The following RUNX3 variants were observed in gnomAD, a reference collection of about 807,000 sequenced individuals.
RUNX3 encodes the protein runt-related transcription factor 3.
Under a neutral mutation model 27.7 loss-of-function variants are expected in RUNX3, and 10 were observed. The observed-to-expected ratio is 0.36, with a 90% CI of 0.22 to 0.61. RUNX3 has a LOEUF of 0.61. Among genes scored for constraint, RUNX3 ranks in the 20% least tolerant of loss-of-function variants. The pLI is 0.72. For missense variants in RUNX3, 469 were observed against 629.5 expected (o/e 0.75, Z 2.73); for synonymous variants, 270 against 269.2 (o/e 1.00, Z -0.03).
intron 2 of RUNX3, among the ~76,000 whole-genome samples, chr1:24,940,186 G>A (rs1418705152): frequency 6.6e-6 from 1 of 152,190 alleles, no homozygotes; most frequent in Non-Finnish European, 1.5e-5. Context: ...GCTTGGAATA[G>A]GGACACGTCC....
In RUNX3 at chr1:24,902,119, C is replaced by A. The variant is rs746970086; in HGVS notation, c.*3G>T. 3 of 1,532,062 alleles carry A rather than the reference C, an allele frequency of 2.0e-6. 1 individual carries two copies. Among genetic ancestry groups the A allele is most frequent in the Non-Finnish European group, 1.8e-6 (2 of 1,137,336 alleles). The allele number at this position is 1,532,062 out of a possible 1,614,324, so 94.9% of individuals were successfully genotyped here. A position where few individuals can be genotyped will look rare whatever the true frequency, so the allele number is the denominator to read the frequency against. ...CTCCAGCGGGAGGAGTCCACCAGGG[C>A]GGTCAGTAGGGCCGCCACACGGCCT... is the stretch of plus-strand genomic sequence containing the variant. On this transcript the variant is annotated 3_prime_UTR_variant, in exon 5 of 5. Coordinates refer to ENST00000308873, the MANE Select transcript of RUNX3 (RefSeq NM_004350.3). This position sits in a 1 kb window ranked among gnomAD's most constrained non-coding sequence, Gnocchi z 9.2.
intron 2 of RUNX3, among the ~76,000 whole-genome samples, chr1:24,920,419 C>A (rs1007684088): frequency 6.6e-6 from 1 of 152,100 alleles, no homozygotes; most frequent in African/African-American, 2.4e-5. Context: ...GTCACCCTCG[C>A]GTGTGAGGCT....
intron 2 of RUNX3, among the ~76,000 whole-genome samples, chr1:24,957,042 G>A (rs1224323948): frequency 1.3e-5 from 2 of 152,228 alleles, no homozygotes; most frequent in Admixed American, 6.5e-5. Context: ...CATGTCCCAC[G>A]TTGAAGGATG....
chr1:24,957,957 G>T (rs1641989363), intron 2 of RUNX3, among the ~76,000 whole-genome samples: 1 of 152,180 alleles, frequency 6.6e-6, no homozygotes, highest in African/African-American at 2.4e-5. Flanking sequence ...ATTGACAAGG[G>T]GTCTGACAGT....
chr1:24,922,063 G>A (rs1317624063), intron 2 of RUNX3, among the ~76,000 whole-genome samples: 2 of 152,116 alleles, frequency 1.3e-5, no homozygotes, highest in Non-Finnish European at 2.9e-5. Context: ...TGATCCTCCT[G>A]TCTCAGCCTC....
intron 3 of RUNX3, among the ~76,000 whole-genome samples, chr1:24,909,901 G>GT: frequency 6.6e-6 from 1 of 152,306 alleles, no homozygotes; most frequent in East Asian, 1.9e-4. Context: ...TCTTTTACAA[G>GT]TAAGAGAACT....
intron 2 of RUNX3, among the ~76,000 whole-genome samples, chr1:24,946,108 G>GT (rs1227275493): frequency 6.6e-6 from 1 of 152,150 alleles, no homozygotes; most frequent in East Asian, 1.9e-4. Context: ...AACGAATGCT[G>GT]TTTGTTTCCA....
intron 2 of RUNX3, among the ~76,000 whole-genome samples, chr1:24,951,204 C>CAAA (rs542137531): frequency 0.46 from 44,313 of 95,920 alleles, 10,504 homozygotes; most frequent in East Asian, 0.62. Flanking sequence ...GACTCCATCT[C>CAAA]AAAAAAAAAA....
rs1461203295 is a variant in RUNX3 at position 24,943,606 on chromosome 1, G to C, written c.59-13754C>G. On this transcript the variant is annotated intron_variant, in intron 2 of 6. Transcript: ENST00000338888. The surrounding 1 kb of genome is among the most constrained non-coding windows in gnomAD (Gnocchi z 4.6). ...CTGGAACAGTTGGCCAGTGCGGAGA[G>C]GACCCCCGAAGATCTCTGAGGCTAG... Among the ~76,000 whole-genome samples, 3 of 152,176 alleles carry C rather than the reference G, an allele frequency of 2.0e-5. No individual in the cohort carries two copies.
At position 24,943,236 on chromosome 1, in the gene RUNX3, C is replaced by G. The variant is rs1263147903; in HGVS notation, c.59-13384G>C. Among the ~76,000 whole-genome samples, 1 of 152,172 alleles carries G rather than the reference C, an allele frequency of 6.6e-6. No homozygotes were observed. Among genetic ancestry groups the G allele is most frequent in the Admixed American group, 6.5e-5 (1 of 15,288 alleles). On this transcript the variant is annotated intron_variant, in intron 2 of 6. Transcript: ENST00000338888. The surrounding 1 kb of genome is among the most constrained non-coding windows in gnomAD (Gnocchi z 4.6). ...CATGCCACCCAGCACGTGGGGGAGGCCAGGGCTTTGGGAGCATGCTGGCAG... is the reference window on the plus strand; with the variant it reads ...CATGCCACCCAGCACGTGGGGGAGGGCAGGGCTTTGGGAGCATGCTGGCAG...
chr1:24,946,351 A>G (rs1286137037), intron 2 of RUNX3, among the ~76,000 whole-genome samples: 4 of 152,082 alleles, frequency 2.6e-5, no homozygotes, highest in African/African-American at 9.7e-5. Flanking sequence ...TACTGTATGT[A>G]TAGATTTATT....
chr1:24,964,365 A>AC (rs1642199264), intron 2 of RUNX3: 2 of 678,342 alleles, frequency 2.9e-6, no homozygotes, highest in Middle Eastern at 3.9e-4. Context: ...GAGACCACCA[A>AC]CCCCTCTTCC....
intron 2 of RUNX3, among the ~76,000 whole-genome samples, chr1:24,938,146 A>G (rs538897223): frequency 1.5e-4 from 23 of 152,296 alleles, no homozygotes; most frequent in African/African-American, 5.3e-4. Context: ...AGGCTCATAG[A>G]GCCAACTGCT....
At chr1:24,911,164 C>A (rs1223727257) in intron 3 of RUNX3, among the ~76,000 whole-genome samples, 1 of 152,232 alleles carries the variant, frequency 6.6e-6, no homozygotes, top group Non-Finnish European at 1.5e-5. Context: ...AGGCATGAAG[C>A]CTGCCGGGTG....
chr1:24,927,663 T>A lies in RUNX3; in HGVS notation c.350A>T (p.Tyr117Phe). The A allele has an allele frequency of 6.2e-7, 1 of 1,613,650 alleles. No homozygotes were observed. Among genetic ancestry groups the A allele is most frequent in the Non-Finnish European group, 8.5e-7 (1 of 1,179,944 alleles). The change falls in exon 2 of 5, where the codon TAC (tyrosine) becomes TTC (phenylalanine). Residue 117 changes from tyrosine (Y) to phenylalanine (F), a missense_variant. Tyr to Phe is a conservative substitution (Grantham distance 22). Around this residue, in one of 3 missense-constraint regions of RUNX3, gnomAD observed 75 missense variants for 168.5 expected, o/e 0.45. Coordinates refer to ENST00000308873, the MANE Select transcript of RUNX3 (RefSeq NM_004350.3). The surrounding 1 kb of genome is among the most constrained non-coding windows in gnomAD (Gnocchi z 5.0). ...VTVMAGNDEN[Y>F]SAELRNASAV... ...CGAGGCATTGCGCAGCTCAGCGGAGTAGTTCTCGTCATTGCCTGCCATCAC... is the reference window on the plus strand; with the variant it reads ...CGAGGCATTGCGCAGCTCAGCGGAGAAGTTCTCGTCATTGCCTGCCATCAC...
At chr1:24,955,632 T>C (rs914038233) in intron 2 of RUNX3, among the ~76,000 whole-genome samples, 1 of 152,144 alleles carries the variant, frequency 6.6e-6, no homozygotes, top group African/African-American at 2.4e-5. Context: ...CTGGGCTGAA[T>C]CTCGAGGCTC....
At chr1:24,917,309 C>T (rs988402013) in intron 3 of RUNX3, among the ~76,000 whole-genome samples, 1 of 152,226 alleles carries the variant, frequency 6.6e-6, no homozygotes, top group Non-Finnish European at 1.5e-5. Flanking sequence ...TCAATGGAGA[C>T]TTGATACCTG....
chr1:24,950,706 G>A (rs1641737974), intron 2 of RUNX3, among the ~76,000 whole-genome samples: 1 of 152,064 alleles, frequency 6.6e-6, no homozygotes, highest in African/African-American at 2.4e-5. Context: ...CCATGAACAG[G>A]GCCATGCCTG....
At chr1:24,939,238 A>C (rs1444602583) in intron 2 of RUNX3, among the ~76,000 whole-genome samples, 1 of 152,166 alleles carries the variant, frequency 6.6e-6, no homozygotes, top group African/African-American at 2.4e-5. Context: ...ACATGTGTGC[A>C]CTCACACACA....
Sources: gnomAD v4.1 joint callset for allele counts (sites outside exome capture counted in the v4.1 genomes callset) on GRCh38, gnomAD v4.1.1 for gene constraint, gnomAD v4.1.1 regional missense constraint, Gnocchi (gnomAD v3.1) non-coding constraint, MANE v1.5 for transcripts, NCBI Gene and HGNC (gene_info 2026-07-23, HGNC 2026-07-21) for gene names.